OCA2: variants seen among roughly 807,000 people sequenced by gnomAD.
OCA2 encodes the protein P protein.
OCA2 carries 77 observed loss-of-function variants against 100.2 expected under a neutral mutation model. That is an observed-to-expected ratio of 0.77 (90% CI 0.64 to 0.93). The LOEUF is 0.93. Ranked by LOEUF, OCA2 falls within the 40% of genes least tolerant of loss-of-function variation. The probability of loss-of-function intolerance (pLI) is 0.00; values close to 1 mark genes in which losing one functional copy is unlikely to be tolerated. For missense variants in OCA2, 1,062 were observed against 1,089.1 expected (o/e 0.98, Z 0.35); for synonymous variants, 432 against 439.2 (o/e 0.98, Z 0.21).
At chr15:28,014,656 G>T (rs2042331712) in intron 9 of OCA2, 120 bp downstream of exon 9, 4 of 1,081,316 alleles carry the variant, frequency 3.7e-6, no homozygotes, top group Admixed American at 2.0e-5. Context: ...CTTTAGGAAT[G>T]ATGACACTAG....
At chr15:27,823,348 A>T (rs1407662238) in intron 23 of OCA2, among the ~76,000 whole-genome samples, 1 of 152,240 alleles carries the variant, frequency 6.6e-6, no homozygotes, top group Non-Finnish European at 1.5e-5. Context: ...GAAAGAATGG[A>T]GGGAGGAAGA....
chr15:28,088,474 C>A (rs902287129), intron 1 of OCA2, among the ~76,000 whole-genome samples: 1 of 152,150 alleles, frequency 6.6e-6, no homozygotes, highest in African/African-American at 2.4e-5. Flanking sequence ...AAAAGAGATA[C>A]ACCAAGAAAC....
At chr15:28,080,876 G>A (rs952608230) in intron 2 of OCA2, among the ~76,000 whole-genome samples, 1 of 152,180 alleles carries the variant, frequency 6.6e-6, no homozygotes, top group African/African-American at 2.4e-5. Flanking sequence ...ACCATTCATT[G>A]TCTTTACATA....
chr15:28,093,314 G>A (rs2044903092), intron 1 of OCA2, among the ~76,000 whole-genome samples: 1 of 151,624 alleles, frequency 6.6e-6, no homozygotes, highest in African/African-American at 2.4e-5. Context: ...CCCAGCTACC[G>A]AGGAGACTGA....
intron 18 of OCA2, among the ~76,000 whole-genome samples, chr15:27,936,327 G>T (rs1052950967): frequency 3.9e-5 from 6 of 152,132 alleles, no homozygotes; most frequent in Non-Finnish European, 7.3e-5. Context: ...GTGACCAGGG[G>T]GTTAAGGTCT....
At chr15:27,938,018 C>G (rs1184287852) in intron 18 of OCA2, among the ~76,000 whole-genome samples, 2 of 152,142 alleles carry the variant, frequency 1.3e-5, no homozygotes, top group Non-Finnish European at 2.9e-5. Context: ...GGCCAGCTTA[C>G]CCTAGTGATT....
At chr15:28,063,618 T>A (rs2043940979) in intron 2 of OCA2, among the ~76,000 whole-genome samples, 1 of 152,154 alleles carries the variant, frequency 6.6e-6, no homozygotes, top group Non-Finnish European at 1.5e-5. Flanking sequence ...ACAATTATCA[T>A]CTTAAAACAA....
intron 9 of OCA2, among the ~76,000 whole-genome samples, chr15:27,994,451 T>C (rs752221573): frequency 1.3e-5 from 2 of 152,058 alleles, no homozygotes; most frequent in Non-Finnish European, 2.9e-5. Flanking sequence ...CTCTGGGAAA[T>C]ATAGCACACC....
At chr15:27,738,929 T>C in the OCA2 span, among the ~76,000 whole-genome samples, 2 of 152,174 alleles carry the variant, frequency 1.3e-5, no homozygotes, top group South Asian at 2.1e-4. Context: ...AGCATCTAAC[T>C]TAATATCGAC....
At chr15:27,784,811 C>G (rs2032723325) in intron 23 of OCA2, among the ~76,000 whole-genome samples, 1 of 151,742 alleles carries the variant, frequency 6.6e-6, no homozygotes, top group Admixed American at 6.6e-5. Flanking sequence ...AAAAAACAAC[C>G]AGCAGAGCTT....
At chr15:27,933,086 G>A (rs2039314885) in intron 18 of OCA2, among the ~76,000 whole-genome samples, 1 of 152,196 alleles carries the variant, frequency 6.6e-6, no homozygotes, top group Admixed American at 6.5e-5. Flanking sequence ...ATCGCAGTCT[G>A]TTTAACAAAT....
chr15:27,915,839 T>G (rs1468047520), intron 19 of OCA2, among the ~76,000 whole-genome samples: 1 of 152,188 alleles, frequency 6.6e-6, no homozygotes, highest in Non-Finnish European at 1.5e-5. Flanking sequence ...CCAATCTCAT[T>G]ACTGTATATG....
intron 23 of OCA2, among the ~76,000 whole-genome samples, chr15:27,807,165 A>G (rs900261022): frequency 6.6e-6 from 1 of 152,104 alleles, no homozygotes; most frequent in African/African-American, 2.4e-5. Flanking sequence ...GGGAGAACAG[A>G]CTACCTCACA....
intron 23 of OCA2, among the ~76,000 whole-genome samples, chr15:27,820,087 G>T (rs1418852953): frequency 6.6e-6 from 1 of 150,870 alleles, no homozygotes; most frequent in Non-Finnish European, 1.5e-5. Flanking sequence ...AGCAATATTG[G>T]ATTATAACTC....
intron 14 of OCA2, among the ~76,000 whole-genome samples, chr15:27,980,197 G>C (rs970722384): frequency 2.6e-5 from 4 of 151,844 alleles, no homozygotes; most frequent in African/African-American, 9.7e-5. Flanking sequence ...GCACGATCTC[G>C]GCTCGCTGCA....
intron 22 of OCA2, among the ~76,000 whole-genome samples, chr15:27,847,262 G>A (rs2035571446): frequency 6.6e-6 from 1 of 152,348 alleles, no homozygotes; most frequent in South Asian, 2.1e-4. Flanking sequence ...CTCCTCCCCT[G>A]TAAGGAGAAG....
chr15:28,014,956 G>T, intron 8 of OCA2, 27 bp from the exon 9 acceptor site: 1 of 1,613,154 alleles, frequency 6.2e-7, no homozygotes, highest in East Asian at 2.2e-5. Flanking sequence ...CGACCTTACT[G>T]TTCACAAGGT....
chr15:27,951,988 C>T (rs1408727534), intron 17 of OCA2, 96 bp from the exon 18 acceptor site: 16 of 873,498 alleles, frequency 1.8e-5, no homozygotes, highest in Middle Eastern at 2.1e-4. Context: ...ACAGATTTCA[C>T]GAGGATGAAA....
At chr15:27,851,273 C>A (rs1422308780) in intron 22 of OCA2, 109 bp downstream of exon 22, 2 of 915,970 alleles carry the variant, frequency 2.2e-6, no homozygotes, top group Non-Finnish European at 1.8e-6. Context: ...AGGAAATCAT[C>A]CAGACTCTCC....
Sources: gnomAD v4.1 joint callset for allele counts (sites outside exome capture counted in the v4.1 genomes callset) on GRCh38, gnomAD v4.1.1 for gene constraint, MANE v1.5 for transcripts, NCBI Gene and HGNC (gene_info 2026-07-23, HGNC 2026-07-21) for gene names.